Variants in MALRD1 observed in about 807,000 individuals in gnomAD.
MALRD1 encodes the protein MAM and LDL receptor class A domain containing 1.
A neutral mutation model predicts 242.1 loss-of-function variants in MALRD1; 247 were observed. The ratio of observed to expected loss-of-function variants is 1.02; its 90% CI spans 0.92 to 1.13. MALRD1 has a LOEUF of 1.13. Ranked by LOEUF, MALRD1 falls within the 50% of genes most tolerant of loss-of-function variation. MALRD1 has a pLI of 0.00. For missense variants in MALRD1, 2,989 were observed against 2,533.1 expected, an observed-to-expected ratio of 1.18 and a Z score of -3.86; for synonymous variants, 995 against 866.6, an observed-to-expected ratio of 1.15 and a Z score of -2.60.
At chr10:19,657,263 T>C (rs1841200633) in intron 36 of MALRD1, among the ~76,000 whole-genome samples, 1 of 152,194 alleles carries the variant, frequency 6.6e-6, no homozygotes, top group South Asian at 2.1e-4. Context: ...TTACACTAAT[T>C]GAATTTTTAT....
chr10:19,662,518 A>G (rs1317477138), intron 36 of MALRD1, among the ~76,000 whole-genome samples: 2 of 152,154 alleles, frequency 1.3e-5, no homozygotes, highest in East Asian at 1.9e-4. Context: ...GGACTCTCCC[A>G]CTCTTAAAAC....
At chr10:19,282,158 G>T (rs1035045993) in intron 20 of MALRD1, among the ~76,000 whole-genome samples, 9 of 152,030 alleles carry the variant, frequency 5.9e-5, no homozygotes, top group African/African-American at 1.9e-4. Flanking sequence ...TATTTTAAAT[G>T]ATATGAAGAA....
rs74121443 is a variant in MALRD1, at chr10:19,281,531, T to C, written c.3256+1308T>C. Among the ~76,000 whole-genome samples, 864 of 152,282 alleles carry C rather than the reference T, an allele frequency of 5.7e-3. 15 individuals are homozygous for C. Among genetic ancestry groups the C allele is most frequent in the African/African-American group, 0.02 (832 of 41,546 alleles). ...TCTTAGTCAAATAGTTTTTATAATT[T>C]TGAACAAATATAAATGAATTATTAC... On this transcript the variant is annotated intron_variant, in intron 20 of 39. Transcript: ENST00000454679.
intron 21 of MALRD1, among the ~76,000 whole-genome samples, chr10:19,284,604 G>C (rs1308727702): frequency 6.6e-6 from 1 of 150,856 alleles, no homozygotes; most frequent in African/African-American, 2.4e-5. Flanking sequence ...TGGCTGCGTA[G>C]TATTCCATGG....
At chr10:19,261,920 G>A (rs1459579463) in intron 19 of MALRD1, among the ~76,000 whole-genome samples, 5 of 151,694 alleles carry the variant, frequency 3.3e-5, no homozygotes, top group East Asian at 1.9e-4. Flanking sequence ...GATATTTCTC[G>A]GACCTGCTGT....
At chr10:19,234,056 A>C (rs7081923) in intron 18 of MALRD1, among the ~76,000 whole-genome samples, 35,335 of 151,970 alleles carry the variant, frequency 0.23, 4,346 homozygotes, top group Admixed American at 0.34. Context: ...GAAGCAACAT[A>C]ATAAAATAGA....
At chr10:19,274,025 G>T (rs574426059) in intron 19 of MALRD1, among the ~76,000 whole-genome samples, 1 of 152,222 alleles carries the variant, frequency 6.6e-6, no homozygotes, top group South Asian at 2.1e-4. Context: ...TGCATTCCTG[G>T]TGGGACTGTA....
chr10:19,422,292 G>C (rs1833743709), intron 28 of MALRD1, among the ~76,000 whole-genome samples: 1 of 152,148 alleles, frequency 6.6e-6, no homozygotes, highest in Non-Finnish European at 1.5e-5. Context: ...TCAGAACACA[G>C]TAATCAATGT....
At chr10:19,269,411 A>G (rs1840102783) in intron 19 of MALRD1, among the ~76,000 whole-genome samples, 1 of 152,260 alleles carries the variant, frequency 6.6e-6, no homozygotes. Context: ...ACCTGAGTTA[A>G]GAGTGTGATA....
At chr10:19,598,568 A>G (rs1416433908) in intron 34 of MALRD1, 1 of 152,074 alleles carries the variant, frequency 6.6e-6, no homozygotes, top group Non-Finnish European at 1.5e-5. Flanking sequence ...AGAGGAGAAG[A>G]ACATGTTGGG....
chr10:19,468,871 A>G (rs974675908), intron 29 of MALRD1, among the ~76,000 whole-genome samples: 4 of 152,050 alleles, frequency 2.6e-5, no homozygotes, highest in African/African-American at 9.7e-5. Context: ...ATGTATTTCT[A>G]TGAAAAGGTA....
chr10:19,688,585 T>C (rs1842696418), intron 36 of MALRD1, among the ~76,000 whole-genome samples: 1 of 152,122 alleles, frequency 6.6e-6, no homozygotes, highest in Admixed American at 6.5e-5. Context: ...TAGGTAGTTA[T>C]GGTCAGCTTG....
Position 19,323,782 on chromosome 10 carries a change from C to T in MALRD1, c.3420-167C>T, listed in dbSNP as rs565364994. The stretch of plus-strand genomic sequence containing the variant: ...CGCCACCACTCCCAGCTTATTTTTT[C>T]GTATTTTTAGTAGAGACGGTGTTTC... On this transcript the variant is annotated intron_variant, in intron 21 of 39. Transcript: ENST00000454679. Among the ~76,000 whole-genome samples, 11 of 152,056 alleles carry T rather than the reference C, an allele frequency of 7.2e-5. No individual in the cohort carries two copies. The East Asian group carries it at 1.9e-3, about 27-fold the overall frequency.
chr10:19,386,400 A>G (rs976669577), intron 26 of MALRD1, among the ~76,000 whole-genome samples: 1 of 99,102 alleles, frequency 1.0e-5, no homozygotes, highest in African/African-American at 4.3e-5. Context: ...CTCTACCTGG[A>G]AGAAGGAGAA....
At chr10:19,365,517 T>G (rs1017330220) in intron 26 of MALRD1, among the ~76,000 whole-genome samples, 1 of 152,014 alleles carries the variant, frequency 6.6e-6, no homozygotes, top group South Asian at 2.1e-4. Flanking sequence ...TCTTTTTTTT[T>G]CCTTTTAAGC....
chr10:19,232,313 C>T (rs1264861062), intron 18 of MALRD1, among the ~76,000 whole-genome samples: 1 of 151,184 alleles, frequency 6.6e-6, no homozygotes, highest in Non-Finnish European at 1.5e-5. Flanking sequence ...ATTATAGGTG[C>T]CCGCCACGAC....
chr10:19,534,971 C>T (rs868549429), intron 32 of MALRD1, among the ~76,000 whole-genome samples: 22 of 152,022 alleles, frequency 1.4e-4, no homozygotes, highest in African/African-American at 4.1e-4. Flanking sequence ...CTGCAACCTC[C>T]GCCTCCCTGG....
chr10:19,587,235 C>T (rs370100537), intron 33 of MALRD1, among the ~76,000 whole-genome samples: 6 of 152,200 alleles, frequency 3.9e-5, no homozygotes, highest in East Asian at 1.9e-4. Context: ...TCCTATTTGG[C>T]CATCTTGGCT....
At chr10:19,180,358 G>A (rs1835452234) in intron 14 of MALRD1, among the ~76,000 whole-genome samples, 1 of 152,182 alleles carries the variant, frequency 6.6e-6, no homozygotes, top group Admixed American at 6.5e-5. Flanking sequence ...TAAGAAGAAA[G>A]TGTGATCATT....
Sources: allele counts gnomAD v4.1 joint callset (sites outside exome capture counted in the v4.1 genomes callset), GRCh38; gene constraint gnomAD v4.1.1; transcripts MANE v1.5; gene names NCBI Gene and HGNC (gene_info 2026-07-23, HGNC 2026-07-21).